STAU1: variants seen among roughly 807,000 people sequenced by gnomAD.
STAU1 encodes the protein double-stranded RNA-binding protein Staufen homolog 1.
STAU1 carries 13 observed loss-of-function variants against 62.9 expected under a neutral mutation model. That is an observed-to-expected ratio of 0.21 (90% CI 0.13 to 0.33). The LOEUF is 0.33. Among genes scored for constraint, STAU1 ranks in the 10% least tolerant of loss-of-function variants. The pLI, the probability that STAU1 is intolerant of heterozygous loss-of-function variation, is 1.00. For synonymous variants in STAU1, 269 were observed against 265.1 expected (o/e 1.01, Z -0.14); for missense variants, 571 against 712.1 (o/e 0.80, Z 2.25).
At chr20:49,206,414 GTTTTTTTT>G in the STAU1 span, among the ~76,000 whole-genome samples, 1 of 76,598 alleles carries the variant, frequency 1.3e-5, no homozygotes, top group Non-Finnish European at 2.3e-5. Flanking sequence ...CTTCCTTCTG[GTTTTTTTT>G]TTTTTTTTTT....
At chr20:49,143,672 A>G (rs935038125) in intron 5 of STAU1, among the ~76,000 whole-genome samples, 2 of 152,330 alleles carry the variant, frequency 1.3e-5, no homozygotes, top group African/African-American at 4.8e-5. Context: ...AAAATTAGCC[A>G]TCACCATTTA....
intron 3 of STAU1, among the ~76,000 whole-genome samples, chr20:49,162,078 T>C (rs1412319408): frequency 6.6e-6 from 1 of 152,204 alleles, no homozygotes; most frequent in African/African-American, 2.4e-5. Flanking sequence ...AAACTCAACA[T>C]GCCACTACCA....
chr20:49,117,955 G>A lies in STAU1; in HGVS notation c.1331C>T (p.Pro444Leu), dbSNP rs752317267. 6.5e-5 allele frequency: 105 copies of A among 1,614,038 alleles called. No homozygotes were observed. The highest frequency in any genetic ancestry group is 5.4e-5 in the Non-Finnish European group (64 of 1,180,034). ...HHTKDFTRAA[P>L]NPAKATVTAM... The stretch of plus-strand genomic sequence containing the variant: ...AGTTACCGTGGCCTTGGCAGGATTC[G>A]GAGCTGCCCTGGTAAAATCTTTGGT... The change falls in exon 11 of 14, where the codon CCG (proline) becomes CTG (leucine). Residue 444 changes from proline (P) to leucine (L), a missense_variant. Physicochemically the swap from Pro to Leu is moderately conservative, Grantham distance 98. Around this residue, in one of 3 missense-constraint regions of STAU1, gnomAD observed 156 missense variants for 194.7 expected, o/e 0.80. Transcript: ENST00000371856. This position sits in a 1 kb window ranked among gnomAD's most constrained non-coding sequence, Gnocchi z 4.6.
At chr20:49,216,764 G>T in the STAU1 span, among the ~76,000 whole-genome samples, 1 of 152,236 alleles carries the variant, frequency 6.6e-6, no homozygotes, top group East Asian at 1.9e-4. Flanking sequence ...GGCTGGGGGT[G>T]AAAGTTGAGA....
the STAU1 span, among the ~76,000 whole-genome samples, chr20:49,193,627 T>C: frequency 6.7e-6 from 1 of 149,760 alleles, no homozygotes; most frequent in African/African-American, 2.5e-5. Context: ...GCCAATATCA[T>C]ACCACTGCAA....
intron 4 of STAU1, 91 bp from the exon 5 acceptor site, chr20:49,151,838 C>A: frequency 8.9e-7 from 1 of 1,127,192 alleles, no homozygotes; most frequent in Non-Finnish European, 1.2e-6. Flanking sequence ...TCCTTCATCA[C>A]GATCCTACTC....
At chr20:49,157,842 T>G (rs1329003350) in intron 3 of STAU1, among the ~76,000 whole-genome samples, 1 of 152,110 alleles carries the variant, frequency 6.6e-6, no homozygotes, top group African/African-American at 2.4e-5. Context: ...AGGCTGGTCT[T>G]AAACTCCTGG....
At chr20:49,126,588 C>CAAAAAAAAAAACAAAAAAAAAACAAA in intron 6 of STAU1, among the ~76,000 whole-genome samples, 4 of 56,376 alleles carry the variant, frequency 7.1e-5, no homozygotes, top group African/African-American at 2.5e-4. Context: ...AAAAAAAAAA[C>CAAAAAAAAAAACAAAAAAAAAACAAA]AAAAAAAAAA....
At chr20:49,193,800 C>G in the STAU1 span, among the ~76,000 whole-genome samples, 1 of 152,048 alleles carries the variant, frequency 6.6e-6, no homozygotes, top group Non-Finnish European at 1.5e-5. Context: ...AACAACGTCT[C>G]TACTAAAAAA....
intron 3 of STAU1, among the ~76,000 whole-genome samples, chr20:49,157,096 C>T (rs551949365): frequency 2.0e-5 from 3 of 151,930 alleles, no homozygotes; most frequent in East Asian, 1.9e-4. Context: ...AGGCTGGTCT[C>T]GAACTCCTGA....
chr20:49,134,718 A>G (rs1371915246), intron 6 of STAU1: 2 of 1,089,016 alleles, frequency 1.8e-6, no homozygotes, highest in Admixed American at 3.4e-5. Flanking sequence ...GAATGTCTGA[A>G]AAAACTCCAA....
chr20:49,209,060 C>T, the STAU1 span, among the ~76,000 whole-genome samples: 7 of 152,000 alleles, frequency 4.6e-5, no homozygotes, highest in East Asian at 7.8e-4. Context: ...CTCAGCCTCC[C>T]GAGAAGCTGG....
chr20:49,123,028 G>A lies in STAU1; in HGVS notation c.966+64C>T, dbSNP rs145932716. ...CAGGAAGGTGTCCAGACCTTGAACCGCCATCAGCCCCCAAGGCTGGACGTG... is the reference window on the plus strand; with the variant it reads ...CAGGAAGGTGTCCAGACCTTGAACCACCATCAGCCCCCAAGGCTGGACGTG... On this transcript the variant is annotated intron_variant, in intron 8 of 13. Coordinates refer to ENST00000371856, the MANE Select transcript of STAU1 (RefSeq NM_017453.4). 332 of 1,489,690 alleles carry A rather than the reference G, an allele frequency of 2.2e-4. 1 individual carries two copies. The African/African-American group carries it at 3.7e-3, about 17-fold the overall frequency. 92.3% of individuals were successfully genotyped at this position (1,489,690 alleles called of 1,614,324 possible). A position where few individuals can be genotyped will look rare whatever the true frequency, so the allele number is the denominator to read the frequency against.
the STAU1 span, among the ~76,000 whole-genome samples, chr20:49,211,643 G>T: frequency 6.6e-6 from 1 of 152,088 alleles, no homozygotes; most frequent in African/African-American, 2.4e-5. Flanking sequence ...GAGTAGCTGG[G>T]ATTAGAGGCA....
chr20:49,167,670 GAA>G (rs2093544503), intron 2 of STAU1, among the ~76,000 whole-genome samples: 1 of 152,196 alleles, frequency 6.6e-6, no homozygotes, highest in African/African-American at 2.4e-5. Context: ...GAACCATTCA[GAA>G]GTCAGCTATG....
intron 12 of STAU1, among the ~76,000 whole-genome samples, chr20:49,116,679 A>T (rs1235126506): frequency 6.6e-6 from 1 of 152,154 alleles, no homozygotes; most frequent in Non-Finnish European, 1.5e-5. Context: ...CATCAAGTGA[A>T]TACATCACAG....
chr20:49,151,378 A>G (rs1300833894), intron 5 of STAU1, among the ~76,000 whole-genome samples: 1 of 152,226 alleles, frequency 6.6e-6, no homozygotes, highest in Non-Finnish European at 1.5e-5. Context: ...AAAGAAGGCA[A>G]CTGACTTTCT....
At chr20:49,186,379 TACAA>T (rs1268134132) in intron 1 of STAU1, among the ~76,000 whole-genome samples, 2 of 151,868 alleles carry the variant, frequency 1.3e-5, no homozygotes, top group Non-Finnish European at 2.9e-5. Flanking sequence ...CATTTTAAAT[TACAA>T]ACAATGGTAA....
chr20:49,166,652 G>C (rs1039915455), intron 2 of STAU1, among the ~76,000 whole-genome samples: 4 of 152,118 alleles, frequency 2.6e-5, no homozygotes, highest in Admixed American at 6.5e-5. Context: ...GGCACAGTAA[G>C]GTTTCTTTCT....
Sources: allele counts gnomAD v4.1 joint callset (sites outside exome capture counted in the v4.1 genomes callset), GRCh38; gene constraint gnomAD v4.1.1; regional missense constraint gnomAD v4.1.1; non-coding constraint Gnocchi (gnomAD v3.1); transcripts MANE v1.5; gene names NCBI Gene and HGNC (gene_info 2026-07-23, HGNC 2026-07-21).